Variants in FHIT observed in about 807,000 individuals in gnomAD.
The protein encoded by FHIT is bis(5'-adenosyl)-triphosphatase.
A neutral mutation model predicts 17.9 loss-of-function variants in FHIT; 19 were observed. That is an observed-to-expected ratio of 1.06 (90% CI 0.74 to 1.56). The LOEUF (loss-of-function observed/expected upper bound fraction) is 1.56. Among genes scored for constraint, FHIT ranks in the 40% most tolerant of loss-of-function variants. FHIT has a pLI of 0.00. For synonymous variants in FHIT, 81 were observed against 69.7 expected, an observed-to-expected ratio of 1.16 and a Z score of -0.81; for missense variants, 248 against 189.2, an observed-to-expected ratio of 1.31 and a Z score of -1.82.
intron 5 of FHIT, among the ~76,000 whole-genome samples, chr3:60,385,648 T>C (rs1700978244): frequency 6.6e-6 from 1 of 152,186 alleles, no homozygotes; most frequent in Non-Finnish European, 1.5e-5. Context: ...TGCACGATCA[T>C]GGCCTACTGC....
At chr3:61,190,230 A>G (rs1377042030) in intron 2 of FHIT, among the ~76,000 whole-genome samples, 1 of 152,210 alleles carries the variant, frequency 6.6e-6, no homozygotes, top group Non-Finnish European at 1.5e-5. Flanking sequence ...ACTCAAACAA[A>G]TTTACAAGAA....
At chr3:60,103,147 TCA>T (rs1337879782) in intron 5 of FHIT, among the ~76,000 whole-genome samples, 4 of 152,208 alleles carry the variant, frequency 2.6e-5, no homozygotes, top group Admixed American at 1.3e-4. Flanking sequence ...CAGCTCTCTC[TCA>T]GTTTTACCCC....
intron 5 of FHIT, among the ~76,000 whole-genome samples, chr3:60,496,554 C>G (rs2034308128): frequency 1.3e-5 from 2 of 152,140 alleles, no homozygotes; most frequent in South Asian, 4.1e-4. Flanking sequence ...TCAACTGACA[C>G]AAGCACTTAA....
intron 5 of FHIT, among the ~76,000 whole-genome samples, chr3:60,057,909 T>C (rs938366277): frequency 3.3e-5 from 5 of 152,024 alleles, no homozygotes; most frequent in Non-Finnish European, 7.4e-5. Context: ...ACTCCCTTCT[T>C]CTTGGCAATA....
At chr3:60,201,390 A>G (rs1468808560) in intron 5 of FHIT, among the ~76,000 whole-genome samples, 1 of 152,122 alleles carries the variant, frequency 6.6e-6, no homozygotes, top group Non-Finnish European at 1.5e-5. Context: ...TATACTGCCC[A>G]GGCTGGCCTT....
chr3:60,341,633 T>C (rs1710521311), intron 5 of FHIT, among the ~76,000 whole-genome samples: 1 of 152,198 alleles, frequency 6.6e-6, no homozygotes, highest in South Asian at 2.1e-4. Context: ...GGAAATGCTA[T>C]ATGCTTATCT....
chr3:60,238,372 T>C (rs1704925489), intron 5 of FHIT, among the ~76,000 whole-genome samples: 1 of 144,472 alleles, frequency 6.9e-6, no homozygotes, highest in South Asian at 2.2e-4. Context: ...AACTATCCTA[T>C]CTAAGAATGA....
chr3:61,046,727 G>A (rs1335983967), intron 2 of FHIT, among the ~76,000 whole-genome samples: 4 of 152,076 alleles, frequency 2.6e-5, no homozygotes, highest in South Asian at 2.1e-4. Context: ...GATGAACTTC[G>A]ATGCAAAAAT....
At chr3:60,850,578 CT>C (rs1443321811) in intron 3 of FHIT, among the ~76,000 whole-genome samples, 2 of 152,074 alleles carry the variant, frequency 1.3e-5, no homozygotes, top group African/African-American at 4.8e-5. Context: ...CCCAAACACA[CT>C]TATTAAAACA....
At chr3:60,860,893 A>G (rs28666776) in intron 3 of FHIT, among the ~76,000 whole-genome samples, 1,945 of 78,170 alleles carry the variant, frequency 0.025, 204 homozygotes, top group Non-Finnish European at 0.036. Context: ...ATGAACATAT[A>G]TACGTATATA....
At chr3:60,633,542 G>A (rs1291744373) in intron 4 of FHIT, among the ~76,000 whole-genome samples, 1 of 152,200 alleles carries the variant, frequency 6.6e-6, no homozygotes, top group Admixed American at 6.5e-5. Flanking sequence ...AAAAGATGGT[G>A]TTATGTGAGG....
chr3:59,870,561 G>A (rs903517658), intron 8 of FHIT, among the ~76,000 whole-genome samples: 3 of 152,164 alleles, frequency 2.0e-5, no homozygotes, highest in Non-Finnish European at 4.4e-5. Flanking sequence ...TGCTTTCTCA[G>A]ATGTCTTAAT....
intron 3 of FHIT, among the ~76,000 whole-genome samples, chr3:61,004,056 T>A (rs1187440714): frequency 1.3e-5 from 2 of 152,078 alleles, no homozygotes; most frequent in African/African-American, 4.8e-5. Flanking sequence ...GGTGTACTTG[T>A]GTTGAGGGCA....
chr3:61,214,580 A>G (rs1368614126), intron 1 of FHIT, among the ~76,000 whole-genome samples: 2 of 152,136 alleles, frequency 1.3e-5, no homozygotes, highest in African/African-American at 4.8e-5. Context: ...CCAGAGGTAC[A>G]AGGAGGAACT....
At chr3:59,834,560 CTGG>C (rs941989002) in intron 8 of FHIT, among the ~76,000 whole-genome samples, 3 of 152,180 alleles carry the variant, frequency 2.0e-5, no homozygotes, top group African/African-American at 4.8e-5. Context: ...TGGTCAGTTC[CTGG>C]TGAGAACCCT....
chr3:60,146,378 AT>A (rs1364160367), intron 5 of FHIT, among the ~76,000 whole-genome samples: 1 of 151,948 alleles, frequency 6.6e-6, no homozygotes, highest in African/African-American at 2.4e-5. Context: ...GGGATGAGCC[AT>A]CCCCAGCATG....
chr3:59,911,118 G>T (rs914231761), intron 8 of FHIT, among the ~76,000 whole-genome samples: 1 of 152,102 alleles, frequency 6.6e-6, no homozygotes, highest in African/African-American at 2.4e-5. Context: ...GATTATTTGT[G>T]TACAGTGTTA....
chr3:59,847,260 T>A (rs1160990268), intron 8 of FHIT, among the ~76,000 whole-genome samples: 2 of 152,144 alleles, frequency 1.3e-5, no homozygotes, highest in Admixed American at 6.5e-5. Flanking sequence ...TTAGGCTCTG[T>A]TCATCTTTCT....
At position 60,418,414 on chromosome 3, in the gene FHIT, ATATATATATATACG is replaced by A. The variant is rs1559897311; in HGVS notation, c.103+118432_103+118445del. On this transcript the variant is annotated intron_variant, in intron 5 of 9. Coordinates refer to ENST00000492590, the MANE Select transcript of FHIT (RefSeq NM_002012.4). ...TATATATATATATATATATATATAT[ATATATATATATACG>A]TGTATACACACACACCACAGACGAT... Among the ~76,000 whole-genome samples the A allele has an allele frequency of 1.1e-3, 64 of 58,544 alleles. 1 individual carries two copies. Among genetic ancestry groups the A allele is most frequent in the African/African-American group, 1.5e-3 (28 of 19,008 alleles). 38.4% of individuals were successfully genotyped at this position (58,544 alleles called of 152,430 possible).
Sources: allele counts gnomAD v4.1 joint callset (sites outside exome capture counted in the v4.1 genomes callset), GRCh38; gene constraint gnomAD v4.1.1; transcripts MANE v1.5; gene names NCBI Gene and HGNC (gene_info 2026-07-23, HGNC 2026-07-21).